The following INTS1 variants were observed in gnomAD, a reference collection of about 807,000 sequenced individuals.
INTS1 encodes integrator complex subunit 1.
INTS1 carries 137 observed loss-of-function variants against 241.6 expected under a neutral mutation model. The ratio of observed to expected loss-of-function variants is 0.57; its 90% CI spans 0.49 to 0.65. The LOEUF (loss-of-function observed/expected upper bound fraction) is 0.65, where lower values mean the gene tolerates loss of function less well. Among genes scored for constraint, INTS1 ranks in the 30% least tolerant of loss-of-function variants. INTS1 has a pLI of 0.00. For synonymous variants in INTS1, 1,692 were observed against 1,337.8 expected (o/e 1.26, Z -5.78); for missense variants, 3,073 against 3,032.2 (o/e 1.01, Z -0.32).
intron 5 of INTS1, 73 bp from the exon 6 acceptor site, chr7:1,499,705 C>A: frequency 6.6e-7 from 1 of 1,515,118 alleles, no homozygotes; most frequent in Non-Finnish European, 8.9e-7. Flanking sequence ...CCGCCTGCTG[C>A]CCGGGGACTG....
chr7:1,471,214 T>A lies in INTS1; in HGVS notation c.6266A>T (p.Gln2089Leu). The change falls in exon 46 of 48, where the codon CAG becomes CTG. Residue 2089 changes from glutamine (Q) to leucine (L), a missense_variant. Coordinates refer to ENST00000404767, the MANE Select transcript of INTS1 (RefSeq NM_001080453.3). ...EILSFFSTNL[Q>L]RLMSSAEECC... Reference sequence around the variant, plus strand: ...CTCCTCGGCCGAGCTCATCAGCCGCTGCAGGTTGGTCTGACCGGGGGAAAG... The same window carrying A: ...CTCCTCGGCCGAGCTCATCAGCCGCAGCAGGTTGGTCTGACCGGGGGAAAG... The A allele has an allele frequency of 1.3e-6, 2 of 1,577,938 alleles. No homozygotes were observed. The highest frequency in any genetic ancestry group is 1.7e-6 in the Non-Finnish European group (2 of 1,163,314).
intron 3 of INTS1, among the ~76,000 whole-genome samples, chr7:1,500,731 C>G (rs75166321): frequency 0.014 from 2,122 of 152,300 alleles, 56 homozygotes; most frequent in African/African-American, 0.048. Context: ...TGGACCGCAG[C>G]ACAGTGGCCC....
At chr7:1,477,391 C>T (rs1446414694) in intron 35 of INTS1, among the ~76,000 whole-genome samples, 159 bp downstream of exon 35, 1 of 152,212 alleles carries the variant, frequency 6.6e-6, no homozygotes, top group Non-Finnish European at 1.5e-5. Context: ...ATTGGGGGAC[C>T]TACCCTTCCT....
chr7:1,496,835 C>G (rs574586117), intron 11 of INTS1, among the ~76,000 whole-genome samples: 1 of 152,302 alleles, frequency 6.6e-6, no homozygotes, highest in South Asian at 2.1e-4. Flanking sequence ...AGCCAGGCAG[C>G]CCGCAGCCCC....
Position 1,471,167 on chromosome 7 carries a change from T to C in INTS1, c.6313A>G (p.Ser2105Gly). ...AEECCRNLAF[S>G]LALRSMQNSP... ...TTCTGCATGGAGCGCAGGGCCAGGC[T>C]GAAGGCGAGGTTGCGGCAACACTCC... Residue 2105 changes from serine to glycine, a missense_variant, in exon 46 of 48, where the codon AGC becomes GGC. By Grantham distance (56) the Ser-to-Gly change is moderately conservative. Transcript: ENST00000404767. The C allele has an allele frequency of 6.3e-7, 1 of 1,581,988 alleles. No homozygotes were observed.
At position 1,480,167 on chromosome 7, in the gene INTS1, G is replaced by C. The variant is rs1781927944; in HGVS notation, c.4074+150C>G. 4.5e-6 allele frequency: 4 copies of C among 888,468 alleles called. No homozygotes were observed. The South Asian group carries it at 7.2e-5, about 16-fold the overall frequency. 55.0% of individuals were successfully genotyped at this position (888,468 alleles called of 1,614,324 possible). On this transcript the variant is annotated intron_variant, in intron 30 of 47. Transcript: ENST00000404767. ...GAAAGCAGCGTGCCAGGGTCAGGCG[G>C]TCACGCGTGTAAAGGCCGCTGTGCG...
chr7:1,497,082 G>A lies in INTS1; in HGVS notation c.1602+56C>T, dbSNP rs749746969. On this transcript the variant is annotated intron_variant, in intron 11 of 47. Transcript: ENST00000404767. This position sits in a 1 kb window ranked among gnomAD's most constrained non-coding sequence, Gnocchi z 5.3. ...GCATGGGACCCAGGACGAGGGGGAT[G>A]GCGGCGCGTGGAACCCGCAGTGAGG... 1.4e-4 allele frequency: 206 copies of A among 1,499,822 alleles called. No homozygotes were observed. The highest frequency in any genetic ancestry group is 1.7e-4 in the Non-Finnish European group (190 of 1,120,730). 92.9% of individuals were successfully genotyped at this position (1,499,822 alleles called of 1,614,324 possible).
chr7:1,479,420 G>A lies in INTS1; in HGVS notation c.4329+10C>T, dbSNP rs757656860. ...CCCTCCTCCCCCGCAAGAGGCCCAC[G>A]CCCAAGTACCTGGTACTGGCAGAGC... On this transcript the variant is annotated intron_variant, in intron 31 of 47. Coordinates refer to ENST00000404767, the MANE Select transcript of INTS1 (RefSeq NM_001080453.3). 22 of 1,567,070 alleles carry A rather than the reference G, an allele frequency of 1.4e-5. No individual in the cohort carries two copies. The highest frequency in any genetic ancestry group is 2.7e-5 in the African/African-American group (2 of 73,810).
At chr7:1,477,031 C>T in intron 35 of INTS1, 113 bp from the exon 36 acceptor site, 1 of 1,314,704 alleles carries the variant, frequency 7.6e-7, no homozygotes, top group South Asian at 1.4e-5. Flanking sequence ...GCTTGGGGTG[C>T]TGCCGGTAAC....
At position 1,499,150 on chromosome 7, in the gene INTS1, A is replaced by AGCT. The variant is rs770225819; in HGVS notation, c.959_961dup (p.Glu320_Leu321insGln). 1.9e-6 allele frequency: 3 copies of AGCT among 1,609,658 alleles called. No homozygotes were observed. The highest frequency in any genetic ancestry group is 2.5e-6 in the Non-Finnish European group (3 of 1,178,402). On this transcript the variant is annotated inframe_insertion, in exon 8 of 48. Coordinates refer to ENST00000404767, the MANE Select transcript of INTS1 (RefSeq NM_001080453.3). ...GACATACTCCTCCACGCTCTCCGCG[A>AGCT]GCTCTTCGTACCTAGGCCAGAGGAG...
At chr7:1,501,649 G>A (rs191159261) in intron 3 of INTS1, among the ~76,000 whole-genome samples, 113 of 152,250 alleles carry the variant, frequency 7.4e-4, no homozygotes, top group African/African-American at 1.4e-3. Context: ...CCGAGAGCCC[G>A]GGCCAGGATG....
Position 1,470,512 on chromosome 7 carries a change from T to C in INTS1, c.*65A>G, listed in dbSNP as rs547049480. On this transcript the variant is annotated 3_prime_UTR_variant, in exon 48 of 48. Coordinates refer to ENST00000404767, the MANE Select transcript of INTS1 (RefSeq NM_001080453.3). Reference sequence around the variant, plus strand: ...CCAGCAACGCCCACGCTTCCTGGGCTTTGCCTCGAGGATCCCCGGGGACGG... The same window carrying C: ...CCAGCAACGCCCACGCTTCCTGGGCCTTGCCTCGAGGATCCCCGGGGACGG... 10 of 1,290,058 alleles carry C rather than the reference T, an allele frequency of 7.8e-6. No homozygotes were observed. In the African/African-American group the frequency reaches 1.2e-4, roughly 15 times the overall value. 79.9% of individuals were successfully genotyped at this position (1,290,058 alleles called of 1,614,324 possible).
intron 1 of INTS1, 119 bp downstream of exon 1, chr7:1,504,204 C>T: frequency 3.8e-6 from 2 of 530,490 alleles, no homozygotes; most frequent in South Asian, 2.3e-5. Flanking sequence ...GCAGGCGACG[C>T]GGACGCCGGG....
Position 1,500,259 on chromosome 7 carries a change from G to A in INTS1, c.457C>T (p.Arg153Cys), listed in dbSNP as rs1233262002. The change falls in exon 4 of 48, where the codon CGC becomes TGC. Residue 153 changes from arginine to cysteine, a missense_variant. By Grantham distance (180) the Arg-to-Cys change is radical (BLOSUM62 -3). Coordinates refer to ENST00000404767, the MANE Select transcript of INTS1 (RefSeq NM_001080453.3). The stretch of plus-strand genomic sequence containing the variant: ...TAGAGGGTGCTGTCAGGCTTGGCGC[G>A]GGTGACCTTCAGCTGCTTCACGGCC... ...CGAVKQLKVTRAKPDSTLYLS... is the reference protein window; with the variant it reads ...CGAVKQLKVTCAKPDSTLYLS... The A allele has an allele frequency of 2.5e-6, 4 of 1,603,512 alleles. No homozygotes were observed. The highest frequency in any genetic ancestry group is 2.3e-5 in the East Asian group (1 of 44,408).
chr7:1,472,248 G>T, intron 44 of INTS1, 25 bp downstream of exon 44: 1 of 1,513,462 alleles, frequency 6.6e-7, no homozygotes, highest in Non-Finnish European at 9.0e-7. Context: ...CTGACCTGGC[G>T]TGGGTGAAGC....
At position 1,484,063 on chromosome 7, in the gene INTS1, G is replaced by C. The variant is rs771174092; in HGVS notation, c.3369C>G (p.Ile1123Met). 1.9e-6 allele frequency: 3 copies of C among 1,612,542 alleles called. No individual in the cohort carries two copies. In the Admixed American group the frequency reaches 5.0e-5, roughly 27 times the overall value. The change falls in exon 25 of 48, where the codon ATC becomes ATG. Residue 1123 changes from isoleucine to methionine, a missense_variant. By Grantham distance (10) the Ile-to-Met change is conservative. Coordinates refer to ENST00000404767, the MANE Select transcript of INTS1 (RefSeq NM_001080453.3). The stretch of plus-strand genomic sequence containing the variant: ...GCATGCGCCTCACGTAGCGTGAGAA[G>C]ATGGACAACAGAGCGCTCAGCACGG... The part of the protein sequence containing the change: ...SDAVLSALLS[I>M]FSRYVRRMRQ...
Position 1,499,542 on chromosome 7 carries a change from T to C in INTS1, c.775A>G (p.Thr259Ala). 1 of 1,613,178 alleles carries C rather than the reference T, an allele frequency of 6.2e-7. No homozygotes were observed. Among genetic ancestry groups the C allele is most frequent in the Non-Finnish European group, 8.5e-7 (1 of 1,179,584 alleles). ...AGCACGCTCCTGGGGGGCATTCTGG[T>C]GTTGAAGGCCGTCTGGATGTTGTCC... ...FVDNIQTAFN[T>A]RMPPRSVLLQ... Residue 259 changes from threonine (T) to alanine (A), a missense_variant, in exon 6 of 48, where the codon ACC becomes GCC. Thr to Ala is a moderately conservative substitution (Grantham distance 58). Transcript: ENST00000404767.
intron 16 of INTS1, among the ~76,000 whole-genome samples, chr7:1,492,729 G>GT (rs977471521): frequency 1.3e-5 from 2 of 152,250 alleles, no homozygotes; most frequent in Non-Finnish European, 2.9e-5. Flanking sequence ...TCAAACCCAG[G>GT]TAACGGTTGG....
chr7:1,480,965 C>T lies in INTS1; in HGVS notation c.3851-32G>A, dbSNP rs112701814. On this transcript the variant is annotated intron_variant, in intron 28 of 47. Transcript: ENST00000404767. Reference sequence around the variant, plus strand: ...ACCGTAGCAGGGTCACACCTGGGCGCGGCCAGGGGCCAGGGAGCAGGTCCT... The same window carrying T: ...ACCGTAGCAGGGTCACACCTGGGCGTGGCCAGGGGCCAGGGAGCAGGTCCT... 4,278 of 1,521,654 alleles carry T rather than the reference C, an allele frequency of 2.8e-3. 91 individuals carry two copies. In the African/African-American group the frequency reaches 0.05, roughly 18 times the overall value. 94.3% of individuals were successfully genotyped at this position (1,521,654 alleles called of 1,614,324 possible). A position where few individuals can be genotyped will look rare whatever the true frequency, so the allele number is the denominator to read the frequency against.
Sources: gnomAD v4.1 joint callset for allele counts (sites outside exome capture counted in the v4.1 genomes callset) on GRCh38, gnomAD v4.1.1 for gene constraint, Gnocchi (gnomAD v3.1) non-coding constraint, MANE v1.5 for transcripts, NCBI Gene and HGNC (gene_info 2026-07-23, HGNC 2026-07-21) for gene names.